KCNT2: variants seen among roughly 807,000 people sequenced by gnomAD.
The protein encoded by KCNT2 is potassium channel subfamily T member 2.
In KCNT2, 67 loss-of-function variants were observed where a neutral mutation model predicts 153.8. The observed-to-expected ratio is 0.44, with a 90% CI of 0.36 to 0.53. The LOEUF (loss-of-function observed/expected upper bound fraction) is 0.53. Among genes scored for constraint, KCNT2 ranks in the 20% least tolerant of loss-of-function variants. KCNT2 has a pLI of 0.00. For synonymous variants in KCNT2, 500 were observed against 458.8 expected (o/e 1.09, Z -1.15); for missense variants, 975 against 1,354.8 (o/e 0.72, Z 4.40).
intron 8 of KCNT2, among the ~76,000 whole-genome samples, chr1:196,449,758 T>C (rs1022260982): frequency 2.6e-5 from 4 of 151,016 alleles, no homozygotes; most frequent in African/African-American, 7.3e-5. Context: ...TCAGTTGAAA[T>C]GTAAAAATAT....
intron 22 of KCNT2, among the ~76,000 whole-genome samples, chr1:196,297,356 C>T (rs1242371309): frequency 1.3e-5 from 2 of 151,964 alleles, no homozygotes; most frequent in African/African-American, 4.8e-5. Flanking sequence ...TAACAATTTG[C>T]TATACATTTT....
chr1:196,447,243 A>C (rs993480192), intron 8 of KCNT2, among the ~76,000 whole-genome samples: 6 of 151,672 alleles, frequency 4.0e-5, no homozygotes, highest in Non-Finnish European at 1.5e-5. Context: ...GAAAACATGT[A>C]TTACAGAGCA....
intron 13 of KCNT2, among the ~76,000 whole-genome samples, chr1:196,386,480 T>C (rs1669998246): frequency 6.6e-6 from 1 of 152,160 alleles, no homozygotes; most frequent in African/African-American, 2.4e-5. Flanking sequence ...ATGTGTTGAC[T>C]ACCACTATTA....
At chr1:196,300,396 G>A (rs918617861) in intron 22 of KCNT2, among the ~76,000 whole-genome samples, 2 of 152,180 alleles carry the variant, frequency 1.3e-5, no homozygotes, top group African/African-American at 4.8e-5. Flanking sequence ...CTTGACATGT[G>A]AGAAAATAGC....
At chr1:196,312,904 T>A (rs1662329793) in intron 21 of KCNT2, among the ~76,000 whole-genome samples, 1 of 151,752 alleles carries the variant, frequency 6.6e-6, no homozygotes, top group Non-Finnish European at 1.5e-5. Flanking sequence ...TGATGCTTAC[T>A]GATGAGGGTA....
At chr1:196,228,469 G>T in intron 27 of KCNT2, 134 bp from the exon 28 acceptor site, 1 of 535,158 alleles carries the variant, frequency 1.9e-6, no homozygotes, top group Non-Finnish European at 3.2e-6. Flanking sequence ...CAACATTGGT[G>T]GTAGAACTCA....
At chr1:196,389,591 G>T (rs978957942) in intron 13 of KCNT2, among the ~76,000 whole-genome samples, 1 of 151,644 alleles carries the variant, frequency 6.6e-6, no homozygotes, top group Non-Finnish European at 1.5e-5. Flanking sequence ...TTCAAGGGCA[G>T]TGTTAGTAGA....
intron 1 of KCNT2, among the ~76,000 whole-genome samples, chr1:196,553,035 A>G (rs189660319): frequency 6.6e-6 from 1 of 151,344 alleles, no homozygotes; most frequent in East Asian, 1.9e-4. Context: ...CCATAAAACA[A>G]AGAACAAAAT....
intron 8 of KCNT2, among the ~76,000 whole-genome samples, chr1:196,457,704 A>G (rs1435715216): frequency 6.6e-6 from 1 of 151,992 alleles, no homozygotes; most frequent in African/African-American, 2.4e-5. Flanking sequence ...AATGGAGGCC[A>G]TTTATTATTG....
chr1:196,531,999 G>C (rs189191482), intron 1 of KCNT2, among the ~76,000 whole-genome samples: 60 of 151,952 alleles, frequency 3.9e-4, no homozygotes, highest in Admixed American at 2.6e-3. Flanking sequence ...TTGTAGTTTA[G>C]TTTCCTTTGC....
intron 26 of KCNT2, among the ~76,000 whole-genome samples, chr1:196,239,980 G>A (rs1291960955): frequency 6.6e-6 from 1 of 152,000 alleles, no homozygotes; most frequent in African/African-American, 2.4e-5. Flanking sequence ...AAACATGAGA[G>A]GCCTCAGAAG....
chr1:196,602,331 A>C (rs1664815380), intron 1 of KCNT2, among the ~76,000 whole-genome samples: 1 of 152,214 alleles, frequency 6.6e-6, no homozygotes, highest in African/African-American at 2.4e-5. Flanking sequence ...GTGCATAATA[A>C]ATAATATGAC....
In KCNT2 at chr1:196,502,437, A is replaced by G. The variant is rs1572658997; in HGVS notation, c.96-10096T>C. Among the ~76,000 whole-genome samples, 3 of 152,326 alleles carry G rather than the reference A, an allele frequency of 2.0e-5. No individual in the cohort carries two copies. The South Asian group carries it at 6.2e-4, about 32-fold the overall frequency. On this transcript the variant is annotated intron_variant, in intron 1 of 27. Coordinates refer to ENST00000294725, the MANE Select transcript of KCNT2 (RefSeq NM_198503.5). ...AAAGGGAACTGAGCTACTCACACAC[A>G]TAGAGACACGTATATGCACATATAT...
intron 16 of KCNT2, among the ~76,000 whole-genome samples, chr1:196,336,734 C>T (rs772815683): frequency 2.0e-4 from 30 of 152,272 alleles, no homozygotes; most frequent in Admixed American, 5.2e-4. Context: ...TCAATTGACA[C>T]TTCTCAGTCC....
At chr1:196,250,923 T>C (rs1571796720) in intron 26 of KCNT2, among the ~76,000 whole-genome samples, 1 of 152,140 alleles carries the variant, frequency 6.6e-6, no homozygotes, top group African/African-American at 2.4e-5. Flanking sequence ...TACCATGATA[T>C]ATCATCTCAC....
intron 14 of KCNT2, among the ~76,000 whole-genome samples, chr1:196,349,334 T>C (rs1469193039): frequency 1.3e-5 from 2 of 152,114 alleles, no homozygotes; most frequent in Non-Finnish European, 1.5e-5. Flanking sequence ...TAAAATCACA[T>C]TGGAGCTCCA....
chr1:196,381,267 ACCT>A (rs1669466581), intron 13 of KCNT2, among the ~76,000 whole-genome samples: 2 of 151,334 alleles, frequency 1.3e-5, no homozygotes, highest in Admixed American at 1.3e-4. Context: ...AATTTCATTA[ACCT>A]CCTTTTCTTT....
At chr1:196,327,751 C>CA (rs1178491812) in intron 18 of KCNT2, among the ~76,000 whole-genome samples, 5 of 150,712 alleles carry the variant, frequency 3.3e-5, no homozygotes, top group Non-Finnish European at 5.9e-5. Context: ...ACTGAAACCT[C>CA]AAATTTCCAG....
chr1:196,384,147 A>C (rs770286590), intron 13 of KCNT2, among the ~76,000 whole-genome samples: 18 of 152,208 alleles, frequency 1.2e-4, no homozygotes, highest in Non-Finnish European at 2.2e-4. Flanking sequence ...TGTACACCTT[A>C]AATTTATACA....
Sources: allele counts gnomAD v4.1 joint callset (sites outside exome capture counted in the v4.1 genomes callset), GRCh38; gene constraint gnomAD v4.1.1; transcripts MANE v1.5; gene names NCBI Gene and HGNC (gene_info 2026-07-23, HGNC 2026-07-21).